Variants in ARHGEF37 observed in about 807,000 individuals in gnomAD.
ARHGEF37 encodes Rho guanine nucleotide exchange factor (GEF) 37.
ARHGEF37 carries 55 observed loss-of-function variants against 71.1 expected under a neutral mutation model. The ratio of observed to expected loss-of-function variants is 0.77; its 90% confidence interval spans 0.62 to 0.97. ARHGEF37 has a LOEUF of 0.97. Ranked by LOEUF, ARHGEF37 falls within the 50% of genes least tolerant of loss-of-function variation. The pLI is 0.00. For missense variants in ARHGEF37, 765 were observed against 836.8 expected, an observed-to-expected ratio of 0.91 and a Z score of 1.06; for synonymous variants, 327 against 350.6, an observed-to-expected ratio of 0.93 and a Z score of 0.75.
chr5:149,594,082 T>C (rs1763481453), intron 1 of ARHGEF37, among the ~76,000 whole-genome samples: 1 of 152,224 alleles, frequency 6.6e-6, no homozygotes, highest in Non-Finnish European at 1.5e-5. Flanking sequence ...AATAAGGGCA[T>C]GATGTTTTTA....
In ARHGEF37 at chr5:149,622,069, C is replaced by T. The variant is rs756960988; in HGVS notation, c.1335+7C>T. 3 of 1,597,234 alleles carry T rather than the reference C, an allele frequency of 1.9e-6. No individual in the cohort carries two copies. Among genetic ancestry groups the T allele is most frequent in the South Asian group, 2.3e-5 (2 of 88,110 alleles). Reference sequence around the variant, plus strand: ...AGAGGGAAGCATGGCCCAGGTAAGGCCTCTGAGACTTGGACACCTGTGGGG... The same window carrying T: ...AGAGGGAAGCATGGCCCAGGTAAGGTCTCTGAGACTTGGACACCTGTGGGG... On this transcript the variant is annotated splice_region_variant and intron_variant, in intron 9 of 12. Transcript: ENST00000333677.
chr5:149,568,663 T>C (rs1762926331), intron 1 of ARHGEF37, among the ~76,000 whole-genome samples: 1 of 151,800 alleles, frequency 6.6e-6, no homozygotes. Context: ...ATACAAAAAT[T>C]AGCTGGGCAT....
At chr5:149,601,321 C>A in intron 3 of ARHGEF37, 90 bp downstream of exon 3, 1 of 1,444,222 alleles carries the variant, frequency 6.9e-7, no homozygotes, top group Non-Finnish European at 9.3e-7. Flanking sequence ...TCCAGAGTTC[C>A]AGAGAAATGC....
rs1425041034 is a variant in ARHGEF37, at chr5:149,620,450, G to A, written c.991G>A (p.Ala331Thr). The A allele has an allele frequency of 1.9e-6, 3 of 1,609,260 alleles. No individual in the cohort carries two copies. Among genetic ancestry groups the A allele is most frequent in the South Asian group, 2.2e-5 (2 of 90,298 alleles). ...TTTGGCAAGAGACCTTCACCTTGAG[G>A]CCTTCCTGAAATTTGTGAGTGGAAC... is the stretch of plus-strand genomic sequence containing the variant. Reference protein sequence around the residue: ...CNLARDLHLEAFLKFKQRLEG... With the variant: ...CNLARDLHLETFLKFKQRLEG... Residue 331 changes from alanine to threonine, a missense_variant, in exon 8 of 13, where the codon GCC (alanine) becomes ACC (threonine). Transcript: ENST00000333677.
rs3733658 is a variant in ARHGEF37 at position 149,633,219 on chromosome 5, G to A, written c.*1028G>A. 0.38 allele frequency: 58,106 copies of A among 152,152 alleles called. 12,857 individuals are homozygous for A. The highest frequency in any genetic ancestry group is 0.5 in the Non-Finnish European group (34,306 of 67,986). 9.4% of individuals were successfully genotyped at this position (152,152 alleles called of 1,614,324 possible). ...CTCACAGGGTTGTGCTGAGAATGAC[G>A]TGGGGCTAAGCATGCAGAGCTCCCT... is the stretch of plus-strand genomic sequence containing the variant. On this transcript the variant is annotated 3_prime_UTR_variant, in exon 13 of 13. Coordinates refer to ENST00000333677, the MANE Select transcript of ARHGEF37 (RefSeq NM_001001669.3).
intron 1 of ARHGEF37, among the ~76,000 whole-genome samples, chr5:149,582,086 C>T (rs1402297920): frequency 6.6e-6 from 1 of 152,216 alleles, no homozygotes; most frequent in Non-Finnish European, 1.5e-5. Flanking sequence ...GGTGAGGTGA[C>T]TTGGCTAAGG....
intron 4 of ARHGEF37, among the ~76,000 whole-genome samples, chr5:149,614,609 A>T (rs1752324038): frequency 1.3e-5 from 2 of 152,142 alleles, no homozygotes; most frequent in African/African-American, 4.8e-5. Flanking sequence ...TTCCCATGGA[A>T]AGGAAGTCCA....
upstream of ARHGEF37, among the ~76,000 whole-genome samples, chr5:149,578,951 C>A (rs1763057078): frequency 6.6e-6 from 1 of 152,180 alleles, no homozygotes; most frequent in South Asian, 2.1e-4. Context: ...CTCAAAATAA[C>A]TGAGTCCTAA....
intron 1 of ARHGEF37, among the ~76,000 whole-genome samples, chr5:149,583,296 C>T (rs1415005706): frequency 1.3e-5 from 2 of 152,170 alleles, no homozygotes; most frequent in Non-Finnish European, 2.9e-5. Context: ...GCCACTATGC[C>T]CGGTTAATTT....
At position 149,624,159 on chromosome 5, in the gene ARHGEF37, C is replaced by A. The variant is rs901652885; in HGVS notation, c.1464+19C>A. On this transcript the variant is annotated intron_variant, in intron 10 of 12. Transcript: ENST00000333677. ...CACACAAGTAAGCATCCTTCCTCCACCCCAAAGACTGTCCAGTTCTTCACT... is the reference window on the plus strand; with the variant it reads ...CACACAAGTAAGCATCCTTCCTCCAACCCAAAGACTGTCCAGTTCTTCACT... The A allele has an allele frequency of 5.6e-6, 9 of 1,594,286 alleles. No individual in the cohort carries two copies. In the African/African-American group the frequency reaches 1.2e-4, roughly 21 times the overall value.
At chr5:149,629,766 T>C (rs1338543000) in intron 12 of ARHGEF37, among the ~76,000 whole-genome samples, 1 of 152,202 alleles carries the variant, frequency 6.6e-6, no homozygotes, top group African/African-American at 2.4e-5. Flanking sequence ...GCATTATTCA[T>C]TGCAGCCAAA....
At position 149,627,343 on chromosome 5, in the gene ARHGEF37, G is replaced by A. The variant is rs186673964; in HGVS notation, c.1660+72G>A. 3,013 of 1,519,506 alleles carry A rather than the reference G, an allele frequency of 2.0e-3. 7 individuals are homozygous for A. Among genetic ancestry groups the A allele is most frequent in the Non-Finnish European group, 2.3e-3 (2,538 of 1,124,792 alleles). 94.1% of individuals were successfully genotyped at this position (1,519,506 alleles called of 1,614,324 possible). On this transcript the variant is annotated intron_variant, in intron 11 of 12. Coordinates refer to ENST00000333677, the MANE Select transcript of ARHGEF37 (RefSeq NM_001001669.3). The stretch of plus-strand genomic sequence containing the variant: ...CCCACAGAAGCCGGTGCAGAGACCC[G>A]GGCACTCTTGTGGGTCAAAGTCTGG...
intron 12 of ARHGEF37, among the ~76,000 whole-genome samples, chr5:149,631,738 T>C (rs1408090602): frequency 6.6e-6 from 1 of 152,184 alleles, no homozygotes; most frequent in Non-Finnish European, 1.5e-5. Context: ...AATAGAATGA[T>C]AGAATTATTG....
intron 1 of ARHGEF37, among the ~76,000 whole-genome samples, chr5:149,584,427 C>T (rs77454787): frequency 0.044 from 6,628 of 152,166 alleles, 214 homozygotes; most frequent in Middle Eastern, 0.099. Flanking sequence ...GCTGTCTTTC[C>T]GCCTCACTTC....
intron 1 of ARHGEF37, among the ~76,000 whole-genome samples, chr5:149,591,530 T>C (rs988853366): frequency 1.3e-5 from 2 of 152,200 alleles, no homozygotes; most frequent in African/African-American, 2.4e-5. Flanking sequence ...ATGATAGGTG[T>C]GAGACCATTT....
chr5:149,598,106 C>G (rs940377978), intron 2 of ARHGEF37, 151 bp downstream of exon 2: 10 of 958,692 alleles, frequency 1.0e-5, no homozygotes, highest in Middle Eastern at 3.2e-4. Flanking sequence ...AGCCCCAGTA[C>G]TTCTTTTCCT....
At chr5:149,601,772 C>G (rs1763761751) in intron 3 of ARHGEF37, among the ~76,000 whole-genome samples, 1 of 152,122 alleles carries the variant, frequency 6.6e-6, no homozygotes, top group Non-Finnish European at 1.5e-5. Flanking sequence ...AGGAGCTAGC[C>G]TTGAGAATAT....
chr5:149,588,454 G>A lies in ARHGEF37; in HGVS notation c.-12+6830G>A, dbSNP rs762851295. 7.6e-4 allele frequency among the ~76,000 whole-genome samples: 116 copies of A among 152,012 alleles called. No homozygotes were observed. The Middle Eastern group carries it at 0.014, about 18-fold the overall frequency. On this transcript the variant is annotated intron_variant, in intron 1 of 12. Coordinates refer to ENST00000333677, the MANE Select transcript of ARHGEF37 (RefSeq NM_001001669.3). ...TGAGATTACAGGCGTGTGCTACCAC[G>A]CCTGGCTAAGTTTTCATATTTTTTA...
intron 1 of ARHGEF37, among the ~76,000 whole-genome samples, chr5:149,565,115 T>C (rs1242943053): frequency 6.6e-6 from 1 of 152,204 alleles, no homozygotes; most frequent in Non-Finnish European, 1.5e-5. Flanking sequence ...TGAGCAAACC[T>C]GTGGTGCTTT....
Sources: allele counts gnomAD v4.1 joint callset (sites outside exome capture counted in the v4.1 genomes callset), GRCh38; gene constraint gnomAD v4.1.1; transcripts MANE v1.5; gene names NCBI Gene and HGNC (gene_info 2026-07-23, HGNC 2026-07-21).